WSCD2: variants seen among roughly 807,000 people sequenced by gnomAD.
The protein encoded by WSCD2 is sialate:O-sulfotransferase 2.
WSCD2 carries 28 observed loss-of-function variants against 55.7 expected under a neutral mutation model. That is an observed-to-expected ratio of 0.50 (90% CI 0.37 to 0.69). The LOEUF (loss-of-function observed/expected upper bound fraction) is 0.69. WSCD2 is among the 30% of genes least tolerant of loss of function. The pLI is 0.00. For missense variants in WSCD2, 616 were observed against 762.1 expected (o/e 0.81, Z 2.26); for synonymous variants, 301 against 301.9 (o/e 1.00, Z 0.03).
intron 1 of WSCD2, among the ~76,000 whole-genome samples, chr12:108,169,722 G>A (rs1208183966): frequency 6.6e-6 from 1 of 152,128 alleles, no homozygotes; most frequent in African/African-American, 2.4e-5. Flanking sequence ...AGGGGAACAG[G>A]GCACAGGACA....
At chr12:108,133,963 G>A (rs1389421601) in intron 1 of WSCD2, among the ~76,000 whole-genome samples, 1 of 152,220 alleles carries the variant, frequency 6.6e-6, no homozygotes, top group Non-Finnish European at 1.5e-5. Context: ...ATCAAGTGAG[G>A]AAAGAAATTG....
At chr12:108,202,215 T>C (rs1175834610) in intron 2 of WSCD2, among the ~76,000 whole-genome samples, 1 of 151,960 alleles carries the variant, frequency 6.6e-6, no homozygotes, top group South Asian at 2.1e-4. Flanking sequence ...GCACCAAAGG[T>C]CCGTGGGAAA....
intron 4 of WSCD2, among the ~76,000 whole-genome samples, chr12:108,217,763 C>G (rs895500221): frequency 6.6e-6 from 1 of 152,190 alleles, no homozygotes; most frequent in African/African-American, 2.4e-5. Flanking sequence ...CACATCTTGC[C>G]CAAAGAGGTG....
intron 8 of WSCD2, among the ~76,000 whole-genome samples, chr12:108,247,183 T>G (rs1209240416): frequency 1.3e-5 from 2 of 152,126 alleles, no homozygotes; most frequent in Non-Finnish European, 2.9e-5. Flanking sequence ...AGCAAATTAC[T>G]TAACCTCTCT....
chr12:108,231,474 G>A (rs768344131), intron 6 of WSCD2, among the ~76,000 whole-genome samples: 1 of 152,162 alleles, frequency 6.6e-6, no homozygotes. Context: ...AAAAGCCAGA[G>A]AATCAAAAAT....
intron 2 of WSCD2, among the ~76,000 whole-genome samples, chr12:108,198,937 A>G (rs1884307638): frequency 6.6e-6 from 1 of 152,338 alleles, no homozygotes; most frequent in Admixed American, 6.5e-5. Context: ...ACCAAGGTTT[A>G]ACACAAGGTC....
chr12:108,203,525 G>C (rs1454529176), intron 2 of WSCD2, among the ~76,000 whole-genome samples: 1 of 152,190 alleles, frequency 6.6e-6, no homozygotes, highest in Non-Finnish European at 1.5e-5. Context: ...ACCTTGCCAA[G>C]GTCATCATGT....
intron 4 of WSCD2, among the ~76,000 whole-genome samples, chr12:108,218,987 C>T (rs951022805): frequency 6.6e-6 from 1 of 152,152 alleles, no homozygotes; most frequent in Non-Finnish European, 1.5e-5. Context: ...TTTATCTGAA[C>T]CTAGGTGCCA....
chr12:108,181,650 C>T (rs1881776821), intron 1 of WSCD2, among the ~76,000 whole-genome samples: 1 of 152,168 alleles, frequency 6.6e-6, no homozygotes, highest in South Asian at 2.1e-4. Context: ...ACTCTGTTCT[C>T]CAAGCTAGAG....
chr12:108,248,600 G>T lies in WSCD2; in HGVS notation c.*257G>T, dbSNP rs1203907440. On this transcript the variant is annotated 3_prime_UTR_variant, in exon 9 of 9. Coordinates refer to ENST00000547525, the MANE Select transcript of WSCD2 (RefSeq NM_014653.4). This position sits in a 1 kb window ranked among gnomAD's most constrained non-coding sequence, Gnocchi z 4.3. ...TTGTTTAGGGGGTTCTAGTTACATG[G>T]ACTCTTTTCTGTCTCCTGGGTCCCT... 4.0e-6 allele frequency: 5 copies of T among 1,257,640 alleles called. No individual in the cohort carries two copies. Among genetic ancestry groups the T allele is most frequent in the Non-Finnish European group, 5.0e-6 (5 of 995,416 alleles). The allele number at this position is 1,257,640 out of a possible 1,614,324, so 77.9% of individuals were successfully genotyped here. A position where few individuals can be genotyped will look rare whatever the true frequency, so the allele number is the denominator to read the frequency against.
intron 5 of WSCD2, among the ~76,000 whole-genome samples, chr12:108,226,218 G>A (rs190140384): frequency 4.6e-5 from 7 of 152,204 alleles, no homozygotes; most frequent in Admixed American, 1.3e-4. Flanking sequence ...AACTAGGGGT[G>A]GTGGGTCCAG....
chr12:108,142,075 TGCCCCC>T (rs1324516712), intron 1 of WSCD2, among the ~76,000 whole-genome samples: 1 of 152,238 alleles, frequency 6.6e-6, no homozygotes, highest in Non-Finnish European at 1.5e-5. Context: ...GTTGCTAAAA[TGCCCCC>T]GTCTCCCTTC....
intron 4 of WSCD2, among the ~76,000 whole-genome samples, chr12:108,223,680 A>G (rs1887771783): frequency 6.6e-6 from 1 of 152,196 alleles, no homozygotes; most frequent in African/African-American, 2.4e-5. Context: ...GTGGTGATCA[A>G]TGGCTCACAA....
chr12:108,205,923 T>C (rs773354759), intron 2 of WSCD2, among the ~76,000 whole-genome samples: 2 of 152,210 alleles, frequency 1.3e-5, no homozygotes, highest in African/African-American at 2.4e-5. Context: ...CTTGTAGAGA[T>C]AGCAACATGT....
At chr12:108,173,253 C>T (rs1295786218) in intron 1 of WSCD2, among the ~76,000 whole-genome samples, 1 of 152,224 alleles carries the variant, frequency 6.6e-6, no homozygotes, top group Non-Finnish European at 1.5e-5. Context: ...TCATCCCAGA[C>T]CCTCCCACCA....
chr12:108,206,454 A>G (rs149257100), intron 3 of WSCD2, 51 bp downstream of exon 3: 212 of 1,568,264 alleles, frequency 1.4e-4, no homozygotes, highest in Middle Eastern at 3.3e-4. Context: ...TCCTTCTCAG[A>G]TTCCCACCTG....
chr12:108,204,488 C>T (rs2137078232), intron 2 of WSCD2, among the ~76,000 whole-genome samples: 1 of 152,282 alleles, frequency 6.6e-6, no homozygotes, highest in Middle Eastern at 3.4e-3. Flanking sequence ...GTGTGCAGCC[C>T]TTGCCCACGT....
At chr12:108,134,311 C>G (rs1314958969) in intron 1 of WSCD2, among the ~76,000 whole-genome samples, 1 of 152,170 alleles carries the variant, frequency 6.6e-6, no homozygotes, top group Non-Finnish European at 1.5e-5. Context: ...AAAACTTATG[C>G]CCCTGCCCCC....
At chr12:108,207,595 G>C (rs561221632) in intron 3 of WSCD2, among the ~76,000 whole-genome samples, 2 of 134,550 alleles carry the variant, frequency 1.5e-5, no homozygotes, top group African/African-American at 2.9e-5. Context: ...CACCATGTTG[G>C]TCAGGATGGT....
Sources: allele counts gnomAD v4.1 joint callset (sites outside exome capture counted in the v4.1 genomes callset), GRCh38; gene constraint gnomAD v4.1.1; non-coding constraint Gnocchi (gnomAD v3.1); transcripts MANE v1.5; gene names NCBI Gene and HGNC (gene_info 2026-07-23, HGNC 2026-07-21).